The following FMOD variants were observed in gnomAD, a reference collection of about 807,000 sequenced individuals.
The protein encoded by FMOD is fibromodulin.
A neutral mutation model predicts 27.0 loss-of-function variants in FMOD; 15 were observed. That is an observed-to-expected ratio of 0.55 (90% CI 0.37 to 0.85). The LOEUF (loss-of-function observed/expected upper bound fraction) is 0.85, where lower values mean the gene tolerates loss of function less well. FMOD is among the 40% of genes least tolerant of loss of function. The probability of loss-of-function intolerance (pLI) is 0.00; values close to 1 mark genes in which losing one functional copy is unlikely to be tolerated. For missense variants in FMOD, 460 were observed against 483.2 expected (o/e 0.95, Z 0.45); for synonymous variants, 210 against 214.0 (o/e 0.98, Z 0.16).
intron 2 of FMOD, among the ~76,000 whole-genome samples, chr1:203,344,952 A>C (rs2102302423): frequency 6.6e-6 from 1 of 152,292 alleles, no homozygotes; most frequent in East Asian, 1.9e-4. Flanking sequence ...CTTTTTCCCC[A>C]AAACAACAAC....
chr1:203,349,007 G>A (rs1345737640), intron 1 of FMOD, among the ~76,000 whole-genome samples: 4 of 152,180 alleles, frequency 2.6e-5, no homozygotes, highest in Non-Finnish European at 5.9e-5. Context: ...GCTGGGACAG[G>A]GTCTTCATGC....
chr1:203,344,380 C>A (rs534181950), intron 2 of FMOD, among the ~76,000 whole-genome samples: 1 of 152,196 alleles, frequency 6.6e-6, no homozygotes, highest in Non-Finnish European at 1.5e-5. Flanking sequence ...TAGCCACATA[C>A]TGGGTACTGT....
chr1:203,340,784 T>C lies in FMOD; in HGVS notation c.*1559A>G, dbSNP rs1300821544. On this transcript the variant is annotated 3_prime_UTR_variant, in exon 3 of 3. Transcript: ENST00000354955. The stretch of plus-strand genomic sequence containing the variant: ...CCTTGCCCCTCACATCGGAGCTCCT[T>C]TGTTGAAATGAGCTGGTTTGGCTTT... 1 of 152,226 alleles carries C rather than the reference T, an allele frequency of 6.6e-6. No individual in the cohort carries two copies. Among genetic ancestry groups the C allele is most frequent in the Non-Finnish European group, 1.5e-5 (1 of 68,026 alleles). The allele number at this position is 152,226 out of a possible 1,614,324, so 9.4% of individuals were successfully genotyped here.
intron 1 of FMOD, 48 bp from the exon 2 acceptor site, chr1:203,348,325 C>T: frequency 1.3e-6 from 2 of 1,570,442 alleles, no homozygotes; most frequent in South Asian, 1.2e-5. Context: ...AGTGAGACTC[C>T]ACAGAGGCAG....
Position 203,340,936 on chromosome 1 carries a change from C to A in FMOD, c.*1407G>T, listed in dbSNP as rs892149689. The A allele has an allele frequency of 3.3e-5, 5 of 152,264 alleles. No homozygotes were observed. The highest frequency in any genetic ancestry group is 1.2e-4 in the African/African-American group (5 of 41,470). 9.4% of individuals were successfully genotyped at this position (152,264 alleles called of 1,614,324 possible). On this transcript the variant is annotated 3_prime_UTR_variant, in exon 3 of 3. Coordinates refer to ENST00000354955, the MANE Select transcript of FMOD (RefSeq NM_002023.5). ...CATCTGGGCAGAGCCTATACTTGGG[C>A]TAACTCTCCTCCAACAGTCCTTGCC...
intron 2 of FMOD, among the ~76,000 whole-genome samples, chr1:203,344,462 T>C (rs773524814): frequency 6.6e-6 from 1 of 152,170 alleles, no homozygotes; most frequent in South Asian, 2.1e-4. Context: ...AGGACATTTT[T>C]CTAGCCCAAA....
At chr1:203,350,547 C>T (rs765713998) in intron 1 of FMOD, among the ~76,000 whole-genome samples, 13 of 151,466 alleles carry the variant, frequency 8.6e-5, no homozygotes, top group Non-Finnish European at 1.6e-4. Flanking sequence ...GTTCTCAATG[C>T]TTCTTTTTAT....
rs1454310991 is a variant in FMOD at position 203,340,696 on chromosome 1, T to C, written c.*1647A>G. On this transcript the variant is annotated 3_prime_UTR_variant, in exon 3 of 3. Transcript: ENST00000354955. ...ATGCTTTTCCTGTAATAAGGATCCT[T>C]TATAAAGGCATGATGGTGTTCACAT... 1 of 152,210 alleles carries C rather than the reference T, an allele frequency of 6.6e-6. No individual in the cohort carries two copies. Among genetic ancestry groups the C allele is most frequent in the Non-Finnish European group, 1.5e-5 (1 of 68,030 alleles). The allele number at this position is 152,210 out of a possible 1,614,324, so 9.4% of individuals were successfully genotyped here. A position where few individuals can be genotyped will look rare whatever the true frequency, so the allele number is the denominator to read the frequency against.
chr1:203,342,102 A>T lies in FMOD; in HGVS notation c.*241T>A. On this transcript the variant is annotated 3_prime_UTR_variant, in exon 3 of 3. Transcript: ENST00000354955. ...ATTTATGGGGTTGGAACATCCAGGG[A>T]TCCTTCCATCTACCACCACTTCTGT... 4.2e-6 allele frequency: 2 copies of T among 479,134 alleles called. No homozygotes were observed. Among genetic ancestry groups the T allele is most frequent in the South Asian group, 3.5e-5 (1 of 28,368 alleles). 29.7% of individuals were successfully genotyped at this position (479,134 alleles called of 1,614,324 possible).
chr1:203,346,507 T>TC (rs397736099), intron 2 of FMOD, among the ~76,000 whole-genome samples: 2 of 150,630 alleles, frequency 1.3e-5, no homozygotes, highest in African/African-American at 4.9e-5. Context: ...TTTTTTTTTT[T>TC]CCTTTGGGCA....
At position 203,350,870 on chromosome 1, in the gene FMOD, C is replaced by T. The variant is rs1658986657; in HGVS notation, c.-8+163G>A. Among the ~76,000 whole-genome samples the T allele has an allele frequency of 2.0e-5, 3 of 152,218 alleles. No homozygotes were observed. The South Asian group carries it at 6.2e-4, about 32-fold the overall frequency. ...AGGGCTGGAACCCCTCCCTTATACA[C>T]CCTCTCTGCCACTCTCCAGCATCCC... On this transcript the variant is annotated intron_variant, in intron 1 of 2. Transcript: ENST00000354955.
In FMOD at chr1:203,341,608, C is replaced by T. The variant is rs1198234992; in HGVS notation, c.*735G>A. ...ATATAGCCCTATACATTGATCTAAG[C>T]CTGAGGTTGGCTGTCTCCTCCCACA... On this transcript the variant is annotated 3_prime_UTR_variant, in exon 3 of 3. Transcript: ENST00000354955. The T allele has an allele frequency of 6.6e-6, 1 of 152,238 alleles. No homozygotes were observed. The highest frequency in any genetic ancestry group is 1.5e-5 in the Non-Finnish European group (1 of 68,050). The allele number at this position is 152,238 out of a possible 1,614,324, so 9.4% of individuals were successfully genotyped here.
chr1:203,347,694 T>C lies in FMOD; in HGVS notation c.577A>G (p.Asn193Asp). 1.2e-6 allele frequency: 2 copies of C among 1,614,100 alleles called. No individual in the cohort carries two copies. Among genetic ancestry groups the C allele is most frequent in the Non-Finnish European group, 1.7e-6 (2 of 1,180,034 alleles). The change falls in exon 2 of 3, where the codon AAC becomes GAC. Residue 193 changes from asparagine to aspartate, a missense_variant. Physicochemically the swap from Asn to Asp is conservative, Grantham distance 23 (BLOSUM62 1). Transcript: ENST00000354955. ...LDHNQISRVP[N>D]NALEGLENLT... ...TTCTCCAGCCCCTCCAGAGCATTGT[T>C]GGGGACCCGTGAGATCTGGTTGTGG...
At chr1:203,346,927 C>T (rs1187539713) in intron 2 of FMOD, among the ~76,000 whole-genome samples, 3 of 152,220 alleles carry the variant, frequency 2.0e-5, no homozygotes, top group African/African-American at 7.2e-5. Flanking sequence ...CCAGCTGTCC[C>T]CTACATCGAC....
chr1:203,346,377 C>G (rs972225565), intron 2 of FMOD, among the ~76,000 whole-genome samples: 1 of 151,844 alleles, frequency 6.6e-6, no homozygotes, highest in East Asian at 1.9e-4. Flanking sequence ...ATTAAGACAT[C>G]AGAAGCCCTG....
At position 203,348,022 on chromosome 1, in the gene FMOD, T is replaced by TGGGCAGTCGCACTCCTGG; in HGVS notation, c.231_248dup (p.Gln78_Pro83dup). ...AGTACATGGCCGTGGGGAAGTTGGG[T>TGGGCAGTCGCACTCCTGG]GGGCAGTCGCACTCCTGGGGGCAGT... On this transcript the variant is annotated inframe_insertion, in exon 2 of 3. Transcript: ENST00000354955. 1 of 1,609,320 alleles carries TGGGCAGTCGCACTCCTGG rather than the reference T, an allele frequency of 6.2e-7. No individual in the cohort carries two copies. The highest frequency in any genetic ancestry group is 1.3e-5 in the African/African-American group (1 of 74,844).
chr1:203,342,175 C>T lies in FMOD; in HGVS notation c.*168G>A. 1.4e-6 allele frequency: 1 copy of T among 719,340 alleles called. No homozygotes were observed. Among genetic ancestry groups the T allele is most frequent in the Non-Finnish European group, 2.2e-6 (1 of 457,046 alleles). 44.6% of individuals were successfully genotyped at this position (719,340 alleles called of 1,614,324 possible). ...GCCTATGTCCTCAGCAGAAGGCTGC[C>T]TGTCCCTGATCGCCCCCCCTAACCC... On this transcript the variant is annotated 3_prime_UTR_variant, in exon 3 of 3. Transcript: ENST00000354955.
intron 1 of FMOD, among the ~76,000 whole-genome samples, chr1:203,349,903 G>C (rs1658962123): frequency 1.3e-5 from 2 of 152,252 alleles, no homozygotes. Flanking sequence ...CTCAGACAAA[G>C]AGCCACAGTG....
chr1:203,343,169 C>T (rs1658826884), intron 2 of FMOD, among the ~76,000 whole-genome samples: 1 of 152,184 alleles, frequency 6.6e-6, no homozygotes, highest in Non-Finnish European at 1.5e-5. Context: ...ATTTCCCTGC[C>T]TCCTGCATTT....
Sources: gnomAD v4.1 joint callset for allele counts (sites outside exome capture counted in the v4.1 genomes callset) on GRCh38, gnomAD v4.1.1 for gene constraint, MANE v1.5 for transcripts, NCBI Gene and HGNC (gene_info 2026-07-23, HGNC 2026-07-21) for gene names.